Variants in LURAP1L observed in about 807,000 individuals in gnomAD.
The protein encoded by LURAP1L is leucine rich adaptor protein 1-like.
In LURAP1L, 12 loss-of-function variants were observed where a neutral mutation model predicts 13.8. The observed-to-expected ratio is 0.87, with a 90% CI of 0.56 to 1.41. The LOEUF is 1.41. Among genes scored for constraint, LURAP1L ranks in the 40% most tolerant of loss-of-function variants. The pLI, the probability that LURAP1L is intolerant of heterozygous loss-of-function variation, is 0.00. For missense variants in LURAP1L, 375 were observed against 292.9 expected, an observed-to-expected ratio of 1.28 and a Z score of -2.04; for synonymous variants, 139 against 119.2, an observed-to-expected ratio of 1.17 and a Z score of -1.08.
At chr9:12,810,366 T>A (rs539449516) in intron 1 of LURAP1L, among the ~76,000 whole-genome samples, 1 of 152,314 alleles carries the variant, frequency 6.6e-6, no homozygotes, top group East Asian at 1.9e-4. Context: ...AAGCTATGAT[T>A]CTCTGTATCC....
chr9:12,820,102 C>T (rs934488722), intron 1 of LURAP1L, among the ~76,000 whole-genome samples: 1 of 152,158 alleles, frequency 6.6e-6, no homozygotes, highest in Non-Finnish European at 1.5e-5. Context: ...CCCCAAACAC[C>T]ACCTCTTGAT....
At chr9:12,807,783 CTTTT>C (rs1396956176) in intron 1 of LURAP1L, among the ~76,000 whole-genome samples, 2 of 151,876 alleles carry the variant, frequency 1.3e-5, no homozygotes, top group Admixed American at 6.6e-5. Context: ...CTTTTCTTTG[CTTTT>C]TTGTCTTCCA....
chr9:12,787,692 G>T (rs1819376472), intron 1 of LURAP1L, among the ~76,000 whole-genome samples: 1 of 152,126 alleles, frequency 6.6e-6, no homozygotes, highest in Admixed American at 6.6e-5. Context: ...TTGTTAATTG[G>T]CATTCCAGTT....
At chr9:12,797,230 G>C (rs774329550) in intron 1 of LURAP1L, among the ~76,000 whole-genome samples, 2 of 151,842 alleles carry the variant, frequency 1.3e-5, no homozygotes, top group Non-Finnish European at 2.9e-5. Context: ...TTATTTCCTA[G>C]AATGCAGTAC....
In LURAP1L at chr9:12,807,020, CAAAAAA is replaced by C. The variant is rs71329888; in HGVS notation, c.313-14346_313-14341del. On this transcript the variant is annotated intron_variant, in intron 1 of 1. Coordinates refer to ENST00000319264, the MANE Select transcript of LURAP1L (RefSeq NM_203403.2). ...TGGGCGACAGAGCCAGACTCCGTCTCAAAAAAAAAAAAAAAAAAAAAAAAATGAGAC... is the reference window on the plus strand; with the variant it reads ...TGGGCGACAGAGCCAGACTCCGTCTCAAAAAAAAAAAAAAAAAAATGAGAC... Among the ~76,000 whole-genome samples the C allele has an allele frequency of 6.8e-3, 148 of 21,874 alleles. 1 individual carries two copies. The highest frequency in any genetic ancestry group is 0.023 in the African/African-American group (134 of 5,848). 14.4% of individuals were successfully genotyped at this position (21,874 alleles called of 152,430 possible).
chr9:12,807,114 T>C (rs1010825877), intron 1 of LURAP1L, among the ~76,000 whole-genome samples: 2 of 133,978 alleles, frequency 1.5e-5, no homozygotes, highest in Non-Finnish European at 3.1e-5. Flanking sequence ...TATATATATA[T>C]ATATTAGCCG....
intron 1 of LURAP1L, among the ~76,000 whole-genome samples, chr9:12,800,076 A>C (rs956293071): frequency 2.0e-5 from 3 of 152,108 alleles, no homozygotes; most frequent in African/African-American, 7.2e-5. Context: ...AATTTTCAGA[A>C]TGCAATACAA....
At chr9:12,803,367 T>C (rs560138377) in intron 1 of LURAP1L, among the ~76,000 whole-genome samples, 1 of 152,338 alleles carries the variant, frequency 6.6e-6, no homozygotes, top group South Asian at 2.1e-4. Context: ...GAAGATTAGA[T>C]ACTTGTTATA....
chr9:12,804,533 G>C (rs1479714795), intron 1 of LURAP1L, among the ~76,000 whole-genome samples: 1 of 151,920 alleles, frequency 6.6e-6, no homozygotes, highest in Non-Finnish European at 1.5e-5. Context: ...AGTCGAAATG[G>C]AGTTTCACTA....
chr9:12,808,170 ATT>A lies in LURAP1L; in HGVS notation c.313-13209_313-13208del, dbSNP rs886869791. Among the ~76,000 whole-genome samples, 4 of 151,386 alleles carry A rather than the reference ATT, an allele frequency of 2.6e-5. No homozygotes were observed. The East Asian group carries it at 7.7e-4, about 29-fold the overall frequency. The stretch of plus-strand genomic sequence containing the variant: ...TTTTTTTCTTTCCTAATGCTCTTCC[ATT>A]TTTTTTAATACAGATCTGAGTTTCT... On this transcript the variant is annotated intron_variant, in intron 1 of 1. Coordinates refer to ENST00000319264, the MANE Select transcript of LURAP1L (RefSeq NM_203403.2).
At chr9:12,803,807 A>T (rs1211831162) in intron 1 of LURAP1L, among the ~76,000 whole-genome samples, 3 of 152,210 alleles carry the variant, frequency 2.0e-5, no homozygotes, top group Non-Finnish European at 4.4e-5. Flanking sequence ...ATTTCTACAG[A>T]CTAGAGATAA....
rs374048758 is a variant in LURAP1L at position 12,788,187 on chromosome 9, G to GAAAGAAAGAAAGAAAGAAATAAAGA, written c.312+12167_312+12168insGAAAGAAAGAAATAAAGAAAAGAAA. Among the ~76,000 whole-genome samples the GAAAGAAAGAAAGAAAGAAATAAAGA allele has an allele frequency of 5.4e-4, 74 of 136,704 alleles. 1 individual carries two copies. The highest frequency in any genetic ancestry group is 1.8e-3 in the African/African-American group (69 of 37,444). 89.7% of individuals were successfully genotyped at this position (136,704 alleles called of 152,430 possible). On this transcript the variant is annotated intron_variant, in intron 1 of 1. Transcript: ENST00000319264. Reference sequence around the variant, plus strand: ...AGAAAGAAAGAAAGAAAGAAAGAAAGAAAGAAAAGAAAAGAAAAGAAAAGC... The same window carrying GAAAGAAAGAAAGAAAGAAATAAAGA: ...AGAAAGAAAGAAAGAAAGAAAGAAAGAAAGAAAGAAAGAAAGAAATAAAGAAAAGAAAAGAAAAGAAAAGAAAAGC...
chr9:12,795,962 G>A (rs1453699444), intron 1 of LURAP1L, among the ~76,000 whole-genome samples: 22 of 152,010 alleles, frequency 1.4e-4, no homozygotes, highest in Admixed American at 1.0e-3. Flanking sequence ...GATTCTACTA[G>A]TATAAGATAA....
Position 12,775,583 on chromosome 9 carries a change from CG to C in LURAP1L, c.-131del. The stretch of plus-strand genomic sequence containing the variant: ...ACCGCATAGGCGGTTATGGAAAGGA[CG>C]GTACACCGGAGCGGCGGAGGATAGA... On this transcript the variant is annotated 5_prime_UTR_variant, in exon 1 of 2. It removes the in-frame stop codon of an upstream open reading frame in the 5' UTR. Coordinates refer to ENST00000319264, the MANE Select transcript of LURAP1L (RefSeq NM_203403.2). The C allele has an allele frequency of 7.2e-7, 1 of 1,393,496 alleles. No individual in the cohort carries two copies. The allele number at this position is 1,393,496 out of a possible 1,614,324, so 86.3% of individuals were successfully genotyped here. A position where few individuals can be genotyped will look rare whatever the true frequency, so the allele number is the denominator to read the frequency against.
chr9:12,811,956 A>C (rs1257426684), intron 1 of LURAP1L, among the ~76,000 whole-genome samples: 1 of 152,144 alleles, frequency 6.6e-6, no homozygotes, highest in African/African-American at 2.4e-5. Context: ...GGCCAGTAGC[A>C]GTCGACAGGT....
intron 1 of LURAP1L, among the ~76,000 whole-genome samples, chr9:12,818,129 C>T (rs10960811): frequency 7.1e-6 from 1 of 140,836 alleles, no homozygotes; most frequent in Non-Finnish European, 1.6e-5. Context: ...TTTGCTTCCA[C>T]TAAAAAAAAA....
chr9:12,805,883 C>A (rs915450515), intron 1 of LURAP1L, among the ~76,000 whole-genome samples: 1 of 152,058 alleles, frequency 6.6e-6, no homozygotes, highest in African/African-American at 2.4e-5. Flanking sequence ...TGGACATAAT[C>A]CTAGACAATA....
chr9:12,780,555 G>A (rs902213320), intron 1 of LURAP1L, among the ~76,000 whole-genome samples: 1 of 151,986 alleles, frequency 6.6e-6, no homozygotes, highest in African/African-American at 2.4e-5. Context: ...ATGATTCCCA[G>A]CCTGTTATTC....
At chr9:12,790,256 G>A (rs1563889926) in intron 1 of LURAP1L, among the ~76,000 whole-genome samples, 2 of 152,056 alleles carry the variant, frequency 1.3e-5, no homozygotes, top group Non-Finnish European at 2.9e-5. Context: ...TAATAATATT[G>A]CTCACTATCT....
Sources: allele counts gnomAD v4.1 joint callset (sites outside exome capture counted in the v4.1 genomes callset), GRCh38; gene constraint gnomAD v4.1.1; transcripts MANE v1.5; gene names NCBI Gene and HGNC (gene_info 2026-07-23, HGNC 2026-07-21).